Variants in ANAPC4 observed in about 807,000 individuals in gnomAD.
The protein encoded by ANAPC4 is anaphase-promoting complex subunit 4.
In ANAPC4, 63 loss-of-function variants were observed where a neutral mutation model predicts 119.8. The observed-to-expected ratio is 0.53, with a 90% CI of 0.43 to 0.65. The LOEUF (loss-of-function observed/expected upper bound fraction) is 0.65, where lower values mean the gene tolerates loss of function less well. Ranked by LOEUF, ANAPC4 falls within the 30% of genes least tolerant of loss-of-function variation. The pLI, the probability that ANAPC4 is intolerant of heterozygous loss-of-function variation, is 0.00. For synonymous variants in ANAPC4, 283 were observed against 318.6 expected (o/e 0.89, Z 1.19); for missense variants, 716 against 945.1 (o/e 0.76, Z 3.18).
intron 16 of ANAPC4, among the ~76,000 whole-genome samples, chr4:25,399,297 A>G (rs1000086215): frequency 3.9e-5 from 6 of 152,134 alleles, no homozygotes; most frequent in African/African-American, 9.7e-5. Flanking sequence ...AGTTATCCCA[A>G]TATGTCCAGT....
intron 17 of ANAPC4, among the ~76,000 whole-genome samples, chr4:25,404,501 G>C (rs1179211627): frequency 2.6e-5 from 4 of 152,042 alleles, no homozygotes; most frequent in Non-Finnish European, 5.9e-5. Flanking sequence ...TCTAACTGTA[G>C]TAAGAATCTA....
chr4:25,390,571 G>C (rs969358102), intron 8 of ANAPC4, among the ~76,000 whole-genome samples: 4 of 152,174 alleles, frequency 2.6e-5, no homozygotes, highest in African/African-American at 9.7e-5. Flanking sequence ...AGTACTGACT[G>C]TACTATAGTT....
In ANAPC4 at chr4:25,403,008, T is replaced by C. The variant is rs759287571; in HGVS notation, c.1252T>C (p.Phe418Leu). The change falls in exon 17 of 29, where the codon TTT becomes CTT. Residue 418 changes from phenylalanine to leucine, a missense_variant. Phe to Leu is a conservative substitution (Grantham distance 22). Coordinates refer to ENST00000315368, the MANE Select transcript of ANAPC4 (RefSeq NM_013367.3). ...TAGTATGAAAAACTTCAAAGCATTT[T>C]TTCGGTGGCTTTATGTGGGTAAGTT... ...DSSMKNFKAF[F>L]RWLYVAMLRM... is the part of the protein sequence containing the mutation. 1 of 1,603,718 alleles carries C rather than the reference T, an allele frequency of 6.2e-7. No individual in the cohort carries two copies. Among genetic ancestry groups the C allele is most frequent in the Non-Finnish European group, 8.5e-7 (1 of 1,173,192 alleles).
chr4:25,418,035 AATTG>A, intron 28 of ANAPC4, 116 bp from the exon 29 acceptor site: 1 of 1,010,838 alleles, frequency 9.9e-7, no homozygotes, highest in Non-Finnish European at 1.4e-6. Context: ...TTTTGTTGTA[AATTG>A]ATGGGAATAT....
Position 25,405,137 on chromosome 4 carries a change from T to C in ANAPC4, c.1271-436T>C, listed in dbSNP as rs1426889634. ...AGATACTAGATCAAAGAAAAGTACA[T>C]AAATATACTGTAAGCGCGTAGCAGA... On this transcript the variant is annotated intron_variant, in intron 17 of 28. Transcript: ENST00000315368. This position sits in a 1 kb window ranked among gnomAD's most constrained non-coding sequence, Gnocchi z 4.6. 2.0e-5 allele frequency among the ~76,000 whole-genome samples: 3 copies of C among 150,954 alleles called. No individual in the cohort carries two copies. Among genetic ancestry groups the C allele is most frequent in the Non-Finnish European group, 2.9e-5 (2 of 67,816 alleles).
intron 3 of ANAPC4, among the ~76,000 whole-genome samples, chr4:25,382,155 A>T (rs1276962777): frequency 6.6e-6 from 1 of 151,886 alleles, no homozygotes; most frequent in East Asian, 1.9e-4. Flanking sequence ...GTCAGTGTGG[A>T]TAGATTGACC....
chr4:25,414,043 T>G, intron 22 of ANAPC4: 1 of 466,228 alleles, frequency 2.1e-6, no homozygotes, highest in Non-Finnish European at 3.8e-6. Context: ...AGAGCTGATG[T>G]GTCTCTGCTT....
At chr4:25,381,353 G>T (rs1438999505) in intron 3 of ANAPC4, among the ~76,000 whole-genome samples, 1 of 151,336 alleles carries the variant, frequency 6.6e-6, no homozygotes, top group Non-Finnish European at 1.5e-5. Flanking sequence ...CAGTGCAGTG[G>T]TGCAATCTCG....
At chr4:25,415,695 G>A (rs1338491044) in intron 26 of ANAPC4, 155 bp downstream of exon 26, 2 of 601,066 alleles carry the variant, frequency 3.3e-6, no homozygotes, top group Non-Finnish European at 5.7e-6. Flanking sequence ...TTTATACATA[G>A]AGAATGATTT....
intron 19 of ANAPC4, 75 bp from the exon 20 acceptor site, chr4:25,407,121 AG>A: frequency 3.9e-6 from 5 of 1,268,626 alleles, no homozygotes; most frequent in Non-Finnish European, 5.6e-6. Flanking sequence ...TTGAAAAGGA[AG>A]GTTTTGGGTT....
In ANAPC4 at chr4:25,385,442, C is replaced by T. The variant is rs78205773; in HGVS notation, c.368+2049C>T. ...GCTGGAAGTTCTGTATAACTTGTTG[C>T]GGCTTTCTCTCAGCACTTTCATAGA... On this transcript the variant is annotated intron_variant, in intron 4 of 28. Coordinates refer to ENST00000315368, the MANE Select transcript of ANAPC4 (RefSeq NM_013367.3). Among the ~76,000 whole-genome samples, 1,156 of 152,258 alleles carry T rather than the reference C, an allele frequency of 7.6e-3. 7 individuals are homozygous for T. The highest frequency in any genetic ancestry group is 0.023 in the African/African-American group (974 of 41,542).
chr4:25,393,679 A>G, intron 10 of ANAPC4, 126 bp from the exon 11 acceptor site: 3 of 553,556 alleles, frequency 5.4e-6, no homozygotes, highest in Non-Finnish European at 9.4e-6. Context: ...AAATAATAAA[A>G]ATAAAACAGT....
Position 25,402,965 on chromosome 4 carries a change from C to CTAAAAG in ANAPC4, c.1215-5_1215-4insAAAAGT. 6.4e-7 allele frequency: 1 copy of CTAAAAG among 1,556,682 alleles called. No individual in the cohort carries two copies. Among genetic ancestry groups the CTAAAAG allele is most frequent in the Non-Finnish European group, 8.8e-7 (1 of 1,136,692 alleles). On this transcript the variant is annotated splice_polypyrimidine_tract_variant and splice_region_variant and intron_variant, in intron 16 of 28. Coordinates refer to ENST00000315368, the MANE Select transcript of ANAPC4 (RefSeq NM_013367.3). ...TATTTCTGATTTTTTGTTTTTATCTCTTTAGAGTTATAGATAGTAGTATGA... is the reference window on the plus strand; with the variant it reads ...TATTTCTGATTTTTTGTTTTTATCTCTAAAAGTTTAGAGTTATAGATAGTAGTATGA...
chr4:25,394,886 G>C lies in ANAPC4; in HGVS notation c.1042G>C (p.Val348Leu), dbSNP rs144625033. ...ATCATACTCCAGTATACAAAAATTG[G>C]TCATAAGTCATTTACAGAGGTATGA... ...ESSYSSIQKLVISHLQSGSES... is the reference protein window; with the variant it reads ...ESSYSSIQKLLISHLQSGSES... Residue 348 changes from valine to leucine, a missense_variant, in exon 14 of 29, where the codon GTC becomes CTC. By Grantham distance (32) the Val-to-Leu change is conservative. Around this residue, in one of 3 missense-constraint regions of ANAPC4, gnomAD observed 504 missense variants for 615.8 expected, o/e 0.82. Transcript: ENST00000315368. 2 of 1,613,024 alleles carry C rather than the reference G, an allele frequency of 1.2e-6. No homozygotes were observed. Among genetic ancestry groups the C allele is most frequent in the South Asian group, 2.2e-5 (2 of 90,826 alleles).
rs566143153 is a variant in ANAPC4, at chr4:25,397,100, AC to A, written c.1214+203del. On this transcript the variant is annotated intron_variant, in intron 16 of 28. Transcript: ENST00000315368. Reference sequence around the variant, plus strand: ...GTATTTTCCTGTCCTGGTCATCCTTACCTCAGGTCTTCTCGCCAGAGGGAAT... The same window carrying A: ...GTATTTTCCTGTCCTGGTCATCCTTACTCAGGTCTTCTCGCCAGAGGGAAT... Among the ~76,000 whole-genome samples, 8 of 152,308 alleles carry A rather than the reference AC, an allele frequency of 5.3e-5. No homozygotes were observed. The South Asian group carries it at 1.7e-3, about 32-fold the overall frequency.
chr4:25,379,498 A>G (rs1477837195), intron 2 of ANAPC4, among the ~76,000 whole-genome samples: 1 of 152,212 alleles, frequency 6.6e-6, no homozygotes, highest in Non-Finnish European at 1.5e-5. Flanking sequence ...TCCTAGCCCA[A>G]AAGCAGCAGT....
chr4:25,402,464 T>C (rs1226107407), intron 16 of ANAPC4, among the ~76,000 whole-genome samples: 1 of 152,206 alleles, frequency 6.6e-6, no homozygotes, highest in African/African-American at 2.4e-5. Flanking sequence ...AATTCAACTT[T>C]TGAGATCTCA....
intron 4 of ANAPC4, among the ~76,000 whole-genome samples, chr4:25,384,427 A>G (rs1006963796): frequency 1.3e-5 from 2 of 152,268 alleles, no homozygotes; most frequent in Admixed American, 1.3e-4. Context: ...AATGACATCC[A>G]GAATGGTGAA....
At chr4:25,407,121 A>T (rs1331810196) in intron 19 of ANAPC4, 76 bp from the exon 20 acceptor site, 1 of 1,268,508 alleles carries the variant, frequency 7.9e-7, no homozygotes, top group Non-Finnish European at 1.1e-6. Context: ...TTGAAAAGGA[A>T]GGTTTTGGGT....
Sources: gnomAD v4.1 joint callset for allele counts (sites outside exome capture counted in the v4.1 genomes callset) on GRCh38, gnomAD v4.1.1 for gene constraint, gnomAD v4.1.1 regional missense constraint, Gnocchi (gnomAD v3.1) non-coding constraint, MANE v1.5 for transcripts, NCBI Gene and HGNC (gene_info 2026-07-23, HGNC 2026-07-21) for gene names.